KCNB2: variants seen among roughly 807,000 people sequenced by gnomAD.
The protein encoded by KCNB2 is delayed rectifier potassium channel protein.
A neutral mutation model predicts 61.5 loss-of-function variants in KCNB2; 15 were observed. The ratio of observed to expected loss-of-function variants is 0.24; its 90% CI spans 0.16 to 0.38. KCNB2 has a LOEUF of 0.38. Ranked by LOEUF, KCNB2 falls within the 10% of genes least tolerant of loss-of-function variation. The pLI is 1.00. For missense variants in KCNB2, 828 were observed against 1,125.2 expected (o/e 0.74, Z 3.78); for synonymous variants, 457 against 446.0 (o/e 1.02, Z -0.31).
chr8:72,708,334 T>G (rs994444911), intron 2 of KCNB2, among the ~76,000 whole-genome samples: 4 of 152,196 alleles, frequency 2.6e-5, no homozygotes, highest in Admixed American at 2.6e-4. Context: ...GAAAGGACAT[T>G]ATTTCAACAG....
chr8:72,583,948 C>CAAAAAAAAAAAA (rs71566823), intron 2 of KCNB2, among the ~76,000 whole-genome samples: 35 of 100,710 alleles, frequency 3.5e-4, no homozygotes, highest in African/African-American at 6.2e-4. Flanking sequence ...AATAGAATAT[C>CAAAAAAAAAAAA]AAAAAAAAAA....
rs532073641 is a variant in KCNB2, at chr8:72,745,888, C to A, written c.579+177575C>A. ...ACTATCAGGCACCGGCTCAGAGGCC[C>A]ACCATGAATAACAAAGACACTCTTA... On this transcript the variant is annotated intron_variant, in intron 2 of 2. Coordinates refer to ENST00000523207, the MANE Select transcript of KCNB2 (RefSeq NM_004770.3). Among the ~76,000 whole-genome samples the A allele has an allele frequency of 7.2e-5, 11 of 152,182 alleles. No individual in the cohort carries two copies. In the South Asian group the frequency reaches 2.3e-3, roughly 32 times the overall value.
At chr8:72,635,473 A>G (rs1805949007) in intron 2 of KCNB2, among the ~76,000 whole-genome samples, 1 of 152,198 alleles carries the variant, frequency 6.6e-6, no homozygotes, top group Non-Finnish European at 1.5e-5. Flanking sequence ...AAGGCCCCAA[A>G]GGAACTCCAT....
At chr8:72,882,614 A>C (rs899531704) in intron 2 of KCNB2, among the ~76,000 whole-genome samples, 4 of 151,716 alleles carry the variant, frequency 2.6e-5, no homozygotes, top group Non-Finnish European at 4.4e-5. Flanking sequence ...GCCAGTAGTG[A>C]GACCCAGTCG....
chr8:72,818,327 A>C (rs894808788), intron 2 of KCNB2, among the ~76,000 whole-genome samples: 1 of 152,210 alleles, frequency 6.6e-6, no homozygotes, highest in Non-Finnish European at 1.5e-5. Context: ...ATTACAATGC[A>C]TCCAAATCCA....
intron 2 of KCNB2, among the ~76,000 whole-genome samples, chr8:72,896,058 A>G (rs1403299073): frequency 6.6e-6 from 1 of 152,024 alleles, no homozygotes; most frequent in Non-Finnish European, 1.5e-5. Flanking sequence ...GTAAACTTTG[A>G]GAGGAGTTAT....
Position 72,722,687 on chromosome 8 carries a change from T to C in KCNB2, c.579+154374T>C, listed in dbSNP as rs764438846. On this transcript the variant is annotated intron_variant, in intron 2 of 2. Transcript: ENST00000523207. ...AATGGACAAAATGGTTCTAGGCATA[T>C]GCAAGTTAAAGCACACTTTGCTCTA... Among the ~76,000 whole-genome samples the C allele has an allele frequency of 6.6e-5, 10 of 152,246 alleles. 1 individual carries two copies. Among genetic ancestry groups the C allele is most frequent in the Middle Eastern group, 3.2e-3 (1 of 316 alleles).
intron 2 of KCNB2, among the ~76,000 whole-genome samples, chr8:72,831,630 AT>A (rs1809698868): frequency 6.6e-6 from 1 of 152,238 alleles, no homozygotes; most frequent in Admixed American, 6.5e-5. Flanking sequence ...GTACATTTAT[AT>A]GTTTTCAATT....
chr8:72,823,762 G>A (rs960182696), intron 2 of KCNB2, among the ~76,000 whole-genome samples: 1 of 152,132 alleles, frequency 6.6e-6, no homozygotes, highest in African/African-American at 2.4e-5. Context: ...GCCGAGGCTC[G>A]AAGAGGTTAA....
chr8:72,935,552 A>G (rs1173040428), intron 2 of KCNB2, among the ~76,000 whole-genome samples: 2 of 152,228 alleles, frequency 1.3e-5, no homozygotes, highest in Admixed American at 6.5e-5. Flanking sequence ...TCTAGCTTAC[A>G]TGGCATGTAA....
At position 72,623,878 on chromosome 8, in the gene KCNB2, C is replaced by T. The variant is rs143015171; in HGVS notation, c.579+55565C>T. On this transcript the variant is annotated intron_variant, in intron 2 of 2. Transcript: ENST00000523207. ...CACTGAGGCTGGCCCCAAAGACAGG[C>T]TCTCATTGGTACAAATGTCCTTTCT... Among the ~76,000 whole-genome samples, 84 of 152,282 alleles carry T rather than the reference C, an allele frequency of 5.5e-4. 1 individual carries two copies. The highest frequency in any genetic ancestry group is 1.9e-3 in the African/African-American group (80 of 41,562).
chr8:72,832,536 T>C (rs530409387), intron 2 of KCNB2, among the ~76,000 whole-genome samples: 14 of 152,216 alleles, frequency 9.2e-5, no homozygotes, highest in African/African-American at 3.4e-4. Flanking sequence ...ATTAAAGCAG[T>C]ACCAGAGCTG....
chr8:72,635,238 G>A (rs925355796), intron 2 of KCNB2, among the ~76,000 whole-genome samples: 19 of 152,166 alleles, frequency 1.2e-4, no homozygotes, highest in African/African-American at 3.6e-4. Flanking sequence ...TTTTGCAGTC[G>A]GCTGCAAATC....
chr8:72,905,883 TG>T (rs1300454342), intron 2 of KCNB2, among the ~76,000 whole-genome samples: 1 of 152,110 alleles, frequency 6.6e-6, no homozygotes, highest in Non-Finnish European at 1.5e-5. Flanking sequence ...CTAAGATGTT[TG>T]GGATGTAGAT....
At chr8:72,918,769 C>G (rs917991137) in intron 2 of KCNB2, among the ~76,000 whole-genome samples, 1 of 152,204 alleles carries the variant, frequency 6.6e-6, no homozygotes, top group African/African-American at 2.4e-5. Context: ...TAATGTGGTG[C>G]AGCTGGCCAG....
chr8:72,602,253 G>T (rs1805364818), intron 2 of KCNB2, among the ~76,000 whole-genome samples: 2 of 152,070 alleles, frequency 1.3e-5, no homozygotes, highest in Admixed American at 6.6e-5. Context: ...GTCACTGAGT[G>T]GTCTGTTGTG....
intron 2 of KCNB2, among the ~76,000 whole-genome samples, chr8:72,730,063 G>A (rs1462710332): frequency 4.6e-5 from 7 of 152,070 alleles, no homozygotes; most frequent in Non-Finnish European, 5.9e-5. Flanking sequence ...GTTGTTTAAT[G>A]TAAAGTTCCT....
intron 2 of KCNB2, among the ~76,000 whole-genome samples, chr8:72,794,402 T>G (rs1291641750): frequency 2.6e-5 from 4 of 151,350 alleles, no homozygotes; most frequent in African/African-American, 4.9e-5. Flanking sequence ...CCGTCTCTAC[T>G]AAAATACAAA....
intron 2 of KCNB2, among the ~76,000 whole-genome samples, chr8:72,570,839 G>C (rs1806696984): frequency 6.6e-6 from 1 of 152,128 alleles, no homozygotes; most frequent in Non-Finnish European, 1.5e-5. Context: ...TGTGGACCTT[G>C]CCTTTCCAGT....
Sources: gnomAD v4.1 joint callset for allele counts (sites outside exome capture counted in the v4.1 genomes callset) on GRCh38, gnomAD v4.1.1 for gene constraint, MANE v1.5 for transcripts, NCBI Gene and HGNC (gene_info 2026-07-23, HGNC 2026-07-21) for gene names.